The following VTI1A variants were observed in gnomAD, a reference collection of about 807,000 sequenced individuals.
VTI1A encodes vesicle transport through interaction with t-SNAREs 1A.
Under a neutral mutation model 34.9 loss-of-function variants are expected in VTI1A, and 22 were observed. The observed-to-expected ratio is 0.63, with a 90% CI of 0.45 to 0.90. The LOEUF (loss-of-function observed/expected upper bound fraction) is 0.90. Among genes scored for constraint, VTI1A ranks in the 40% least tolerant of loss-of-function variants. The pLI is 0.00. For missense variants in VTI1A, 268 were observed against 275.6 expected (o/e 0.97, Z 0.20); for synonymous variants, 87 against 97.3 (o/e 0.89, Z 0.62).
At position 112,514,510 on chromosome 10, in the gene VTI1A, T is replaced by G. The variant is rs78142102; in HGVS notation, c.265-12577T>G. Among the ~76,000 whole-genome samples the G allele has an allele frequency of 1.7e-4, 26 of 151,726 alleles. No homozygotes were observed. The South Asian group carries it at 2.1e-3, about 12-fold the overall frequency. On this transcript the variant is annotated intron_variant, in intron 3 of 7. Coordinates refer to ENST00000393077, the MANE Select transcript of VTI1A (RefSeq NM_145206.4). ...AGTCTCTTTTTTATTTATTTATGCC[T>G]TGATCTTTGTTATTTCATTCTTCTG...
intron 5 of VTI1A, among the ~76,000 whole-genome samples, chr10:112,598,182 T>G (rs572572921): frequency 1.4e-4 from 22 of 152,360 alleles, no homozygotes; most frequent in African/African-American, 5.3e-4. Context: ...AAGACCATTC[T>G]GAGTCAGTTT....
chr10:112,627,737 G>A (rs1370161022), intron 5 of VTI1A, among the ~76,000 whole-genome samples: 1 of 152,154 alleles, frequency 6.6e-6, no homozygotes, highest in African/African-American at 2.4e-5. Context: ...AGGACCTGGT[G>A]CTGAGATAAC....
At chr10:112,849,401 G>A in the VTI1A span, among the ~76,000 whole-genome samples, 2 of 152,140 alleles carry the variant, frequency 1.3e-5, no homozygotes, top group Non-Finnish European at 2.9e-5. Flanking sequence ...TTGTGGAGAC[G>A]ACCCCTCTAG....
Position 112,618,704 on chromosome 10 carries a change from G to A in VTI1A, c.428-49514G>A, listed in dbSNP as rs770399749. Among the ~76,000 whole-genome samples, 10 of 151,862 alleles carry A rather than the reference G, an allele frequency of 6.6e-5. 1 individual carries two copies. The highest frequency in any genetic ancestry group is 6.8e-3 in the Middle Eastern group (2 of 292). On this transcript the variant is annotated intron_variant, in intron 5 of 7. Coordinates refer to ENST00000393077, the MANE Select transcript of VTI1A (RefSeq NM_145206.4). ...GTATAGTTAGAACATGCATACCATA[G>A]ATAGGGAGGACATTAGGCCAAAGTG... is the stretch of plus-strand genomic sequence containing the variant.
At chr10:112,643,100 T>C (rs987009987) in intron 5 of VTI1A, among the ~76,000 whole-genome samples, 3 of 148,798 alleles carry the variant, frequency 2.0e-5, no homozygotes, top group Non-Finnish European at 4.5e-5. Context: ...TTCTCATGCC[T>C]CAGCCTCCCA....
chr10:112,526,926 A>T (rs572772956), intron 3 of VTI1A, among the ~76,000 whole-genome samples, 161 bp from the exon 4 acceptor site: 8 of 152,176 alleles, frequency 5.3e-5, no homozygotes, highest in Non-Finnish European at 1.2e-4. Context: ...GAAACTTATG[A>T]AGTTCAGGAA....
At chr10:112,797,210 CT>C (rs1852703633) in intron 7 of VTI1A, among the ~76,000 whole-genome samples, 1 of 152,108 alleles carries the variant, frequency 6.6e-6, no homozygotes. Flanking sequence ...CGAGTAGGTT[CT>C]TTTAGTGCCA....
At chr10:112,846,464 G>A in the VTI1A span, among the ~76,000 whole-genome samples, 1 of 152,178 alleles carries the variant, frequency 6.6e-6, no homozygotes, top group East Asian at 1.9e-4. Flanking sequence ...TGGCAACTGA[G>A]CATTTGAAAT....
intron 7 of VTI1A, among the ~76,000 whole-genome samples, chr10:112,716,243 T>C (rs560008130): frequency 6.6e-6 from 1 of 152,266 alleles, no homozygotes; most frequent in African/African-American, 2.4e-5. Context: ...AAGGAATATT[T>C]GAAATGCATG....
chr10:112,570,341 A>T (rs1852071745), intron 5 of VTI1A, among the ~76,000 whole-genome samples: 1 of 152,154 alleles, frequency 6.6e-6, no homozygotes, highest in Admixed American at 6.5e-5. Context: ...TGGCAAAGCA[A>T]AGCAGCACTT....
the VTI1A span, among the ~76,000 whole-genome samples, chr10:112,845,815 C>T: frequency 2.0e-5 from 3 of 152,024 alleles, no homozygotes; most frequent in African/African-American, 7.2e-5. Flanking sequence ...GTCAGGAATT[C>T]GAGACCAGCC....
At chr10:112,483,633 T>A (rs528113124) in intron 3 of VTI1A, among the ~76,000 whole-genome samples, 5 of 152,206 alleles carry the variant, frequency 3.3e-5, no homozygotes, top group African/African-American at 9.6e-5. Flanking sequence ...CTCTGGCCTC[T>A]ACCCACTAAA....
chr10:112,744,958 C>G (rs568532044), intron 7 of VTI1A, among the ~76,000 whole-genome samples: 1 of 152,210 alleles, frequency 6.6e-6, no homozygotes, highest in East Asian at 1.9e-4. Flanking sequence ...AAACATTAAA[C>G]TCAGTAAGTT....
intron 3 of VTI1A, among the ~76,000 whole-genome samples, chr10:112,517,406 T>C (rs888458997): frequency 3.3e-5 from 5 of 151,962 alleles, no homozygotes; most frequent in Non-Finnish European, 5.9e-5. Flanking sequence ...GATGATTGAG[T>C]AATGATTGAA....
chr10:112,652,691 C>T (rs1847080555), intron 5 of VTI1A, among the ~76,000 whole-genome samples: 1 of 134,436 alleles, frequency 7.4e-6, no homozygotes, highest in Admixed American at 8.8e-5. Context: ...CATGCCAGTG[C>T]ACTCTAGCCT....
chr10:112,599,214 T>C lies in VTI1A; in HGVS notation c.427+60884T>C, dbSNP rs1420220902. On this transcript the variant is annotated intron_variant, in intron 5 of 7. Transcript: ENST00000393077. ...ACAAGAAGCAGCTTGCAGAGTAGGATTGGGGGATCTGCAAGGCCAGAGTGA... is the reference window on the plus strand; with the variant it reads ...ACAAGAAGCAGCTTGCAGAGTAGGACTGGGGGATCTGCAAGGCCAGAGTGA... Among the ~76,000 whole-genome samples, 9 of 151,884 alleles carry C rather than the reference T, an allele frequency of 5.9e-5. No individual in the cohort carries two copies. In the East Asian group the frequency reaches 9.7e-4, roughly 16 times the overall value.
chr10:112,664,884 C>T (rs1847587960), intron 5 of VTI1A, among the ~76,000 whole-genome samples: 1 of 152,146 alleles, frequency 6.6e-6, no homozygotes, highest in African/African-American at 2.4e-5. Flanking sequence ...ATAGAGAATT[C>T]CAGCATACAC....
At chr10:112,650,810 G>A (rs981925879) in intron 5 of VTI1A, among the ~76,000 whole-genome samples, 5 of 152,130 alleles carry the variant, frequency 3.3e-5, no homozygotes, top group African/African-American at 1.2e-4. Context: ...TCCTCTCAGT[G>A]AAGAATTTTC....
intron 1 of VTI1A, among the ~76,000 whole-genome samples, chr10:112,455,885 G>A (rs546471263): frequency 5.9e-5 from 9 of 151,730 alleles, no homozygotes; most frequent in Admixed American, 2.0e-4. Flanking sequence ...TATTTTTTTC[G>A]TGAAGGGAAA....
Sources: allele counts gnomAD v4.1 joint callset (sites outside exome capture counted in the v4.1 genomes callset), GRCh38; gene constraint gnomAD v4.1.1; transcripts MANE v1.5; gene names NCBI Gene and HGNC (gene_info 2026-07-23, HGNC 2026-07-21).